Variants in PRKCE observed in about 807,000 individuals in gnomAD.
The protein encoded by PRKCE is protein kinase C epsilon type.
A neutral mutation model predicts 85.4 loss-of-function variants in PRKCE; 16 were observed. The ratio of observed to expected loss-of-function variants is 0.19; its 90% CI spans 0.13 to 0.28. PRKCE has a LOEUF of 0.28. Among genes scored for constraint, PRKCE ranks in the 10% least tolerant of loss-of-function variants. The probability of loss-of-function intolerance (pLI) is 1.00; values close to 1 mark genes in which losing one functional copy is unlikely to be tolerated. For synonymous variants in PRKCE, 388 were observed against 371.5 expected (o/e 1.04, Z -0.51); for missense variants, 573 against 975.2 (o/e 0.59, Z 5.49).
At chr2:46,013,738 C>T (rs1416160919) in intron 10 of PRKCE, among the ~76,000 whole-genome samples, 3 of 151,970 alleles carry the variant, frequency 2.0e-5, no homozygotes, top group Non-Finnish European at 4.4e-5. Context: ...AATATTAAGT[C>T]GAGTTTAATT....
At position 46,145,333 on chromosome 2, in the gene PRKCE, C is replaced by G. The variant is rs12990701; in HGVS notation, c.1731+102C>G. ...CATCTAGTGGTGCTGGGGGAAGGCT[C>G]TGGAAATCCAGGATGGATTCTAGGA... On this transcript the variant is annotated intron_variant, in intron 12 of 14. Transcript: ENST00000306156. The surrounding 1 kb of genome is among the most constrained non-coding windows in gnomAD (Gnocchi z 4.6). 0.15 allele frequency: 218,688 copies of G among 1,446,230 alleles called. 17,600 individuals are homozygous for G. Among genetic ancestry groups the G allele is most frequent in the Middle Eastern group, 0.21 (904 of 4,328 alleles). 89.6% of individuals were successfully genotyped at this position (1,446,230 alleles called of 1,614,324 possible). A position where few individuals can be genotyped will look rare whatever the true frequency, so the allele number is the denominator to read the frequency against.
intron 1 of PRKCE, among the ~76,000 whole-genome samples, chr2:45,726,038 G>C (rs1681042525): frequency 6.6e-6 from 1 of 152,198 alleles, no homozygotes; most frequent in African/African-American, 2.4e-5. Flanking sequence ...ATGGAGCCTG[G>C]CGATGTGACT....
intron 10 of PRKCE, among the ~76,000 whole-genome samples, chr2:46,025,670 C>G (rs1014815624): frequency 2.2e-4 from 33 of 152,216 alleles, no homozygotes; most frequent in Admixed American, 2.0e-4. Context: ...TCATAAGGGA[C>G]TTTGTCACAG....
At chr2:46,050,832 A>T (rs181223435) in intron 10 of PRKCE, among the ~76,000 whole-genome samples, 1 of 152,300 alleles carries the variant, frequency 6.6e-6, no homozygotes, top group East Asian at 1.9e-4. Flanking sequence ...CATTCTTGTC[A>T]AAGTCTCACT....
chr2:46,028,645 C>A (rs1411206814), intron 10 of PRKCE, among the ~76,000 whole-genome samples: 1 of 152,134 alleles, frequency 6.6e-6, no homozygotes, highest in Non-Finnish European at 1.5e-5. Flanking sequence ...TTCTATAAGC[C>A]AAGAATGATA....
intron 2 of PRKCE, among the ~76,000 whole-genome samples, chr2:45,913,687 T>C (rs1246012014): frequency 6.6e-6 from 1 of 152,264 alleles, no homozygotes; most frequent in Non-Finnish European, 1.5e-5. Flanking sequence ...TCCATGCATA[T>C]GTTCACTCAC....
At position 45,744,053 on chromosome 2, in the gene PRKCE, A is replaced by G. The variant is rs573425028; in HGVS notation, c.348+91605A>G. Reference sequence around the variant, plus strand: ...TAAAAATGATGTATGGGAGAAAGGCAGAGAGTACTGGGTTCAAATCCTGGA... The same window carrying G: ...TAAAAATGATGTATGGGAGAAAGGCGGAGAGTACTGGGTTCAAATCCTGGA... On this transcript the variant is annotated intron_variant, in intron 1 of 14. Transcript: ENST00000306156. 5.3e-5 allele frequency among the ~76,000 whole-genome samples: 8 copies of G among 151,450 alleles called. No homozygotes were observed. In the South Asian group the frequency reaches 1.7e-3, roughly 32 times the overall value.
intron 1 of PRKCE, among the ~76,000 whole-genome samples, chr2:45,719,741 C>T (rs1010425426): frequency 2.0e-5 from 3 of 152,038 alleles, no homozygotes; most frequent in Admixed American, 1.3e-4. Flanking sequence ...AAAATCATAA[C>T]CCTCCTCCCC....
intron 1 of PRKCE, among the ~76,000 whole-genome samples, chr2:45,730,898 T>A (rs1276399442): frequency 6.6e-6 from 1 of 152,244 alleles, no homozygotes; most frequent in African/African-American, 2.4e-5. Flanking sequence ...TGCTGTTATT[T>A]GTAAAACATT....
At chr2:46,013,317 G>T (rs752691479) in intron 10 of PRKCE, among the ~76,000 whole-genome samples, 3 of 152,208 alleles carry the variant, frequency 2.0e-5, no homozygotes, top group African/African-American at 7.2e-5. Context: ...CAGTTCTCAC[G>T]TGGAAGGATT....
At chr2:45,975,826 A>G (rs1702412672) in intron 2 of PRKCE, among the ~76,000 whole-genome samples, 1 of 152,026 alleles carries the variant, frequency 6.6e-6, no homozygotes, top group Non-Finnish European at 1.5e-5. Flanking sequence ...ACTGTGTCAT[A>G]TTTCCCTCTC....
intron 2 of PRKCE, among the ~76,000 whole-genome samples, chr2:45,947,835 C>T (rs988579389): frequency 2.0e-5 from 3 of 152,232 alleles, no homozygotes; most frequent in South Asian, 2.1e-4. Context: ...GTGGGACTAT[C>T]GAGTCAAAAT....
chr2:45,976,343 G>A (rs1702452841), intron 2 of PRKCE, 86 bp from the exon 3 acceptor site: 1 of 1,467,868 alleles, frequency 6.8e-7, no homozygotes, highest in Admixed American at 1.9e-5. Flanking sequence ...ACTCCCCCAG[G>A]GATGGAGTAG....
In PRKCE at chr2:45,838,940, A is replaced by T. The variant is rs188111898; in HGVS notation, c.349-4060A>T. 2.6e-5 allele frequency among the ~76,000 whole-genome samples: 4 copies of T among 152,262 alleles called. No homozygotes were observed. In the East Asian group the frequency reaches 7.7e-4, roughly 29 times the overall value. ...CTTTTTCATGATAACTGCACCAATG[A>T]TGACTATTTTATGCCGGTGCCTTTG... is the stretch of plus-strand genomic sequence containing the variant. On this transcript the variant is annotated intron_variant, in intron 1 of 14. Transcript: ENST00000306156.
intron 2 of PRKCE, among the ~76,000 whole-genome samples, chr2:45,872,210 C>T (rs921522271): frequency 7.2e-5 from 11 of 152,092 alleles, no homozygotes; most frequent in African/African-American, 1.7e-4. Flanking sequence ...GAGCCCTTTG[C>T]GTAACTCTGG....
chr2:46,119,613 G>C (rs531130492), intron 11 of PRKCE, among the ~76,000 whole-genome samples: 1 of 152,284 alleles, frequency 6.6e-6, no homozygotes, highest in South Asian at 2.1e-4. Flanking sequence ...TTGCATTAGT[G>C]CTAGGAGAGG....
At chr2:45,814,302 G>A (rs1688863262) in intron 1 of PRKCE, among the ~76,000 whole-genome samples, 1 of 152,210 alleles carries the variant, frequency 6.6e-6, no homozygotes, top group South Asian at 2.1e-4. Context: ...TTTTCCTAGA[G>A]AATCTCAGAC....
At chr2:45,920,013 A>G (rs1345617110) in intron 2 of PRKCE, among the ~76,000 whole-genome samples, 2 of 152,166 alleles carry the variant, frequency 1.3e-5, no homozygotes, top group Non-Finnish European at 2.9e-5. Flanking sequence ...CCTGCCAGTT[A>G]CTGAGTAACT....
chr2:46,170,835 A>G (rs1678822324), intron 14 of PRKCE, among the ~76,000 whole-genome samples: 1 of 152,234 alleles, frequency 6.6e-6, no homozygotes, highest in Admixed American at 6.5e-5. Flanking sequence ...CTGGGCCAAG[A>G]GAACTGATCT....
Sources: allele counts gnomAD v4.1 joint callset (sites outside exome capture counted in the v4.1 genomes callset), GRCh38; gene constraint gnomAD v4.1.1; non-coding constraint Gnocchi (gnomAD v3.1); transcripts MANE v1.5; gene names NCBI Gene and HGNC (gene_info 2026-07-23, HGNC 2026-07-21).